Variants in SYNE1 observed in about 807,000 individuals in gnomAD.
The protein encoded by SYNE1 is nesprin-1.
Under a neutral mutation model 1,111.0 loss-of-function variants are expected in SYNE1, and 616 were observed. The ratio of observed to expected loss-of-function variants is 0.55; its 90% CI spans 0.52 to 0.59. The LOEUF (loss-of-function observed/expected upper bound fraction) is 0.59. SYNE1 is among the 20% of genes least tolerant of loss of function. SYNE1 has a pLI of 0.00. For synonymous variants in SYNE1, 3,855 were observed against 3,825.8 expected (o/e 1.01, Z -0.28); for missense variants, 10,006 against 10,417.0 (o/e 0.96, Z 1.72).
At chr6:152,379,636 A>G (rs1181750411) in intron 56 of SYNE1, among the ~76,000 whole-genome samples, 1 of 152,198 alleles carries the variant, frequency 6.6e-6, no homozygotes, top group Non-Finnish European at 1.5e-5. Context: ...AAAAGAAAAC[A>G]TGAATATTGA....
At chr6:152,371,366 A>G (rs1461376036) in intron 59 of SYNE1, among the ~76,000 whole-genome samples, 2 of 151,714 alleles carry the variant, frequency 1.3e-5, no homozygotes, top group Non-Finnish European at 2.9e-5. Flanking sequence ...CACCATATGA[A>G]GAAGGATGTA....
chr6:152,206,508 A>G (rs1229522149), intron 125 of SYNE1, 146 bp from the exon 126 acceptor site: 1 of 799,104 alleles, frequency 1.3e-6, no homozygotes. Context: ...TGCACCAGTG[A>G]ATAAATGAGT....
intron 14 of SYNE1, among the ~76,000 whole-genome samples, chr6:152,473,517 T>C (rs532515391): frequency 3.9e-5 from 6 of 152,314 alleles, no homozygotes; most frequent in Admixed American, 2.0e-4. Flanking sequence ...ATTTCTAACC[T>C]GATATATTTT....
chr6:152,488,727 A>ATTTT (rs34808382), intron 11 of SYNE1, among the ~76,000 whole-genome samples: 21 of 149,796 alleles, frequency 1.4e-4, no homozygotes, highest in African/African-American at 5.1e-4. Context: ...AACCAACTCC[A>ATTTT]TTTTTTTTTT....
intron 128 of SYNE1, among the ~76,000 whole-genome samples, chr6:152,189,009 A>ATATATG (rs2071381692): frequency 7.6e-6 from 1 of 132,396 alleles, no homozygotes; most frequent in Non-Finnish European, 1.6e-5. Flanking sequence ...ATATATATAT[A>ATATATG]TATATATATA....
chr6:152,408,956 A>G lies in SYNE1; in HGVS notation c.6540+112T>C. On this transcript the variant is annotated intron_variant, in intron 44 of 145. Coordinates refer to ENST00000367255, the MANE Select transcript of SYNE1 (RefSeq NM_182961.4). Reference sequence around the variant, plus strand: ...GCAACAAGAGTGAAACTCTGTCTCCAAAAAAAAAAAAAAAAGTGAAATTCA... The same window carrying G: ...GCAACAAGAGTGAAACTCTGTCTCCGAAAAAAAAAAAAAAAGTGAAATTCA... The G allele has an allele frequency of 3.8e-5, 8 of 209,844 alleles. No homozygotes were observed. The South Asian group carries it at 9.7e-4, about 25-fold the overall frequency. The allele number at this position is 209,844 out of a possible 1,614,324, so 13.0% of individuals were successfully genotyped here. A position where few individuals can be genotyped will look rare whatever the true frequency, so the allele number is the denominator to read the frequency against.
chr6:152,376,703 T>C (rs1238085543), intron 57 of SYNE1, 73 bp downstream of exon 57: 9 of 1,593,274 alleles, frequency 5.6e-6, no homozygotes, highest in Non-Finnish European at 7.7e-6. Flanking sequence ...ATTTTGAAAT[T>C]ACACCTTAAA....
intron 18 of SYNE1, among the ~76,000 whole-genome samples, chr6:152,464,106 G>A (rs1402041969): frequency 1.3e-5 from 2 of 152,064 alleles, no homozygotes; most frequent in Non-Finnish European, 2.9e-5. Flanking sequence ...ATAAACCATC[G>A]AAGCAAAAAA....
chr6:152,331,845 C>G lies in SYNE1; in HGVS notation c.12840G>C (p.Lys4280Asn), dbSNP rs1453411194. Residue 4280 changes from lysine (K) to asparagine (N), a missense_variant, in exon 78 of 146, where the codon AAG becomes AAC. Physicochemically the swap from Lys to Asn is moderately conservative, Grantham distance 94. Around this residue, in one of 7 missense-constraint regions of SYNE1, gnomAD observed 4,955 missense variants for 5,017.2 expected, o/e 0.99. Coordinates refer to ENST00000367255, the MANE Select transcript of SYNE1 (RefSeq NM_182961.4). ...STAVHLEALK[K>N]LALALQERKY... The stretch of plus-strand genomic sequence containing the variant: ...TTCTCTCCTGCAATGCCAATGCTAA[C>G]TTTTTCAAAGCTTCCAGGTGGACAG... 1 of 1,613,800 alleles carries G rather than the reference C, an allele frequency of 6.2e-7. No homozygotes were observed. The highest frequency in any genetic ancestry group is 8.5e-7 in the Non-Finnish European group (1 of 1,180,040).
intron 74 of SYNE1, among the ~76,000 whole-genome samples, chr6:152,341,407 C>A (rs1021920725): frequency 1.3e-5 from 2 of 152,226 alleles, no homozygotes; most frequent in African/African-American, 4.8e-5. Context: ...AGTGACCACA[C>A]AGCTGCAAAC....
intron 96 of SYNE1, among the ~76,000 whole-genome samples, chr6:152,282,368 T>C (rs2094086027): frequency 6.6e-6 from 1 of 152,162 alleles, no homozygotes; most frequent in Non-Finnish European, 1.5e-5. Flanking sequence ...TAGGGAGTGA[T>C]GGAGACTGTG....
chr6:152,415,558 G>A (rs528931418), intron 41 of SYNE1, among the ~76,000 whole-genome samples: 42 of 152,112 alleles, frequency 2.8e-4, no homozygotes, highest in Non-Finnish European at 3.5e-4. Flanking sequence ...CCACCAAGGA[G>A]GAATTTCCTC....
chr6:152,585,365 G>A (rs939148074), intron 3 of SYNE1, among the ~76,000 whole-genome samples: 1 of 152,174 alleles, frequency 6.6e-6, no homozygotes, highest in African/African-American at 2.4e-5. Context: ...CAACTTTGTG[G>A]TCTAGTTTTG....
chr6:152,340,822 G>A (rs1214909015), intron 74 of SYNE1, among the ~76,000 whole-genome samples: 1 of 152,210 alleles, frequency 6.6e-6, no homozygotes, highest in Non-Finnish European at 1.5e-5. Flanking sequence ...TGCCACAGGG[G>A]TGGCAGGCAG....
Position 152,399,731 on chromosome 6 carries a change from C to A in SYNE1, c.7122G>T (p.Glu2374Asp). 1.9e-6 allele frequency: 3 copies of A among 1,614,168 alleles called. No individual in the cohort carries two copies. Among genetic ancestry groups the A allele is most frequent in the Non-Finnish European group, 1.7e-6 (2 of 1,180,016 alleles). The change falls in exon 48 of 146, where the codon GAG becomes GAT. Residue 2374 changes from glutamate (E) to aspartate (D), a missense_variant. Glu to Asp is a conservative substitution (Grantham distance 45). This residue lies in a region of SYNE1 where 4,955 missense variants were observed against 5,017.2 expected (regional missense o/e 0.99). Transcript: ENST00000367255. ...NSLCRKYHSA[E>D]LESLGRAMTG... ...TCATTGCACGGCCCAGGCTCTCCAA[C>A]TCAGCTGAGTGGTACTTGCGGCACA...
intron 3 of SYNE1, among the ~76,000 whole-genome samples, chr6:152,573,232 G>T (rs2099474752): frequency 6.6e-6 from 1 of 151,708 alleles, no homozygotes; most frequent in Non-Finnish European, 1.5e-5. Flanking sequence ...TGCACAACGT[G>T]CAGGTTTGTT....
At chr6:152,180,686 A>C (rs997884152) in intron 128 of SYNE1, among the ~76,000 whole-genome samples, 2 of 152,124 alleles carry the variant, frequency 1.3e-5, no homozygotes, top group African/African-American at 4.8e-5. Context: ...AGAAAGAAAA[A>C]AGGAATAGAA....
chr6:152,306,848 G>A (rs1393763526), intron 91 of SYNE1, among the ~76,000 whole-genome samples: 1 of 147,062 alleles, frequency 6.8e-6, no homozygotes, highest in African/African-American at 2.5e-5. Flanking sequence ...ATCCCACTGT[G>A]AGCCATGATC....
chr6:152,341,742 G>T (rs902549739), intron 74 of SYNE1, among the ~76,000 whole-genome samples: 1 of 152,142 alleles, frequency 6.6e-6, no homozygotes, highest in Non-Finnish European at 1.5e-5. Context: ...CTCATTTAAT[G>T]TCGTCAGCAG....
Sources: gnomAD v4.1 joint callset for allele counts (sites outside exome capture counted in the v4.1 genomes callset) on GRCh38, gnomAD v4.1.1 for gene constraint, gnomAD v4.1.1 regional missense constraint, MANE v1.5 for transcripts, NCBI Gene and HGNC (gene_info 2026-07-23, HGNC 2026-07-21) for gene names.